Variants in SPAG9 observed in about 807,000 individuals in gnomAD.
SPAG9 encodes C-Jun-amino-terminal kinase-interacting protein 4.
SPAG9 carries 35 observed loss-of-function variants against 166.5 expected under a neutral mutation model. The observed-to-expected ratio is 0.21, with a 90% CI of 0.16 to 0.28. The LOEUF (loss-of-function observed/expected upper bound fraction) is 0.28. SPAG9 is among the 10% of genes least tolerant of loss of function. SPAG9 has a pLI of 1.00. For missense variants in SPAG9, 1,235 were observed against 1,603.3 expected, an observed-to-expected ratio of 0.77 and a Z score of 3.92; for synonymous variants, 534 against 565.5, an observed-to-expected ratio of 0.94 and a Z score of 0.79.
At position 50,976,858 on chromosome 17, in the gene SPAG9, G is replaced by A. The variant is rs569603843; in HGVS notation, c.3523+250C>T. The A allele has an allele frequency of 3.6e-5, 12 of 330,326 alleles. No individual in the cohort carries two copies. In the South Asian group the frequency reaches 4.1e-4, roughly 11 times the overall value. 20.5% of individuals were successfully genotyped at this position (330,326 alleles called of 1,614,324 possible). The stretch of plus-strand genomic sequence containing the variant: ...ATGGACTTTAACTTTTATTTCAAAA[G>A]ATGAAATAGGACTGTGATTCCTGAA... On this transcript the variant is annotated intron_variant, in intron 27 of 29. Transcript: ENST00000262013.
At chr17:51,104,612 G>C (rs1038385916) in intron 1 of SPAG9, among the ~76,000 whole-genome samples, 1 of 151,998 alleles carries the variant, frequency 6.6e-6, no homozygotes, top group Non-Finnish European at 1.5e-5. Context: ...CTCCAGCCTG[G>C]GTAACAAGAG....
chr17:51,079,546 A>G (rs8081821), intron 2 of SPAG9, 38 bp downstream of exon 2: 487,284 of 1,599,314 alleles, frequency 0.3, 75,708 homozygotes, highest in Admixed American at 0.39. Context: ...GCCAAGCCCA[A>G]TCTTTAGTGT....
intron 25 of SPAG9, among the ~76,000 whole-genome samples, chr17:50,981,565 T>C (rs561758054): frequency 3.3e-5 from 5 of 151,842 alleles, no homozygotes; most frequent in South Asian, 4.2e-4. Context: ...ATAGATAGAA[T>C]TGATATAAAA....
At chr17:50,981,163 T>A (rs1394515744) in intron 25 of SPAG9, among the ~76,000 whole-genome samples, 1 of 91,226 alleles carries the variant, frequency 1.1e-5, no homozygotes, top group Non-Finnish European at 3.0e-5. Flanking sequence ...ATACCATAAG[T>A]CACGCTGAAC....
At chr17:51,112,552 T>C (rs1243848112) in intron 1 of SPAG9, among the ~76,000 whole-genome samples, 1 of 150,370 alleles carries the variant, frequency 6.7e-6, no homozygotes, top group African/African-American at 2.4e-5. Flanking sequence ...GCGCCTGTAG[T>C]CCCAGCTACT....
chr17:51,085,376 C>T (rs1180625139), intron 1 of SPAG9: 1 of 152,118 alleles, frequency 6.6e-6, no homozygotes, highest in African/African-American at 2.4e-5. Flanking sequence ...AGATGGATAC[C>T]ACAGAATACG....
chr17:50,994,480 G>A (rs980271626), intron 18 of SPAG9, among the ~76,000 whole-genome samples: 3 of 152,204 alleles, frequency 2.0e-5, no homozygotes, highest in African/African-American at 7.2e-5. Flanking sequence ...GGCTGGCACA[G>A]TGGCTCACGT....
rs570838946 is a variant in SPAG9, at chr17:51,028,082, T to A, written c.783+3599A>T. Among the ~76,000 whole-genome samples the A allele has an allele frequency of 2.4e-3, 350 of 147,618 alleles. 2 individuals are homozygous for A. The highest frequency in any genetic ancestry group is 4.8e-3 in the African/African-American group (187 of 38,568). On this transcript the variant is annotated intron_variant, in intron 6 of 29. Coordinates refer to ENST00000262013, the MANE Select transcript of SPAG9 (RefSeq NM_001130528.3). Reference sequence around the variant, plus strand: ...TTTAAAAAGCAAAAAAAAAAAAAATTTTTTTTAAATAGATAAAAGCTTATA... The same window carrying A: ...TTTAAAAAGCAAAAAAAAAAAAAATATTTTTTAAATAGATAAAAGCTTATA...
chr17:51,011,327 T>TC (rs1252761568), intron 9 of SPAG9, among the ~76,000 whole-genome samples: 3 of 149,148 alleles, frequency 2.0e-5, no homozygotes, highest in African/African-American at 7.4e-5. Flanking sequence ...AAGTACTGAG[T>TC]CCATATATAA....
chr17:50,996,516 C>T (rs373448699), intron 16 of SPAG9, 49 bp downstream of exon 16: 185 of 1,610,702 alleles, frequency 1.1e-4, no homozygotes, highest in Non-Finnish European at 1.4e-4. Context: ...GCACACTCAA[C>T]TTGCCCTCTT....
chr17:50,987,337 T>G, intron 21 of SPAG9, 100 bp from the exon 22 acceptor site: 1 of 1,088,880 alleles, frequency 9.2e-7, no homozygotes, highest in Non-Finnish European at 1.3e-6. Context: ...GTTCATTTGT[T>G]TATTATTTAT....
chr17:51,043,515 A>C (rs948275028), intron 4 of SPAG9, among the ~76,000 whole-genome samples: 3 of 152,198 alleles, frequency 2.0e-5, no homozygotes, highest in African/African-American at 7.2e-5. Flanking sequence ...TTCTTTCATT[A>C]AATGATGGTG....
At chr17:50,997,136 C>G (rs2044716311) in intron 15 of SPAG9, among the ~76,000 whole-genome samples, 1 of 141,272 alleles carries the variant, frequency 7.1e-6, no homozygotes, top group Non-Finnish European at 1.6e-5. Flanking sequence ...AACTCCATCT[C>G]AAAAAACAAA....
intron 1 of SPAG9, among the ~76,000 whole-genome samples, chr17:51,089,436 A>AAAAC (rs1034822429): frequency 6.6e-6 from 1 of 151,424 alleles, no homozygotes; most frequent in Non-Finnish European, 1.5e-5. Flanking sequence ...AAAAAACAAA[A>AAAAC]AAACAAACAA....
intron 2 of SPAG9, among the ~76,000 whole-genome samples, chr17:51,070,811 A>G (rs2047801609): frequency 6.6e-6 from 1 of 152,184 alleles, no homozygotes; most frequent in African/African-American, 2.4e-5. Context: ...CACAGTGGCC[A>G]TTAAATAATT....
chr17:51,104,419 C>G (rs1187396210), intron 1 of SPAG9, among the ~76,000 whole-genome samples: 1 of 152,054 alleles, frequency 6.6e-6, no homozygotes, highest in Non-Finnish European at 1.5e-5. Flanking sequence ...GACGGATCAC[C>G]CAAGGTCGCG....
At chr17:51,060,990 G>A (rs2047497664) in intron 2 of SPAG9, among the ~76,000 whole-genome samples, 1 of 151,544 alleles carries the variant, frequency 6.6e-6, no homozygotes, top group Non-Finnish European at 1.5e-5. Context: ...TGGGACTATA[G>A]GCGTGCACCA....
chr17:51,005,053 A>G (rs1170386561), intron 12 of SPAG9, among the ~76,000 whole-genome samples, 159 bp downstream of exon 12: 2 of 152,220 alleles, frequency 1.3e-5, no homozygotes, highest in African/African-American at 4.8e-5. Context: ...GCATCTGGAT[A>G]CCATGCAGAA....
At chr17:51,066,960 C>G (rs2047690871) in intron 2 of SPAG9, among the ~76,000 whole-genome samples, 1 of 151,682 alleles carries the variant, frequency 6.6e-6, no homozygotes, top group Non-Finnish European at 1.5e-5. Flanking sequence ...GTGGTATATT[C>G]TCTCCTGCCT....
Sources: allele counts gnomAD v4.1 joint callset (sites outside exome capture counted in the v4.1 genomes callset), GRCh38; gene constraint gnomAD v4.1.1; transcripts MANE v1.5; gene names NCBI Gene and HGNC (gene_info 2026-07-23, HGNC 2026-07-21).